The following DUOX2 variants were observed in gnomAD, a reference collection of about 807,000 sequenced individuals.
DUOX2 encodes NADH/NADPH thyroid oxidase p138-tox.
A neutral mutation model predicts 183.3 loss-of-function variants in DUOX2; 185 were observed. The ratio of observed to expected loss-of-function variants is 1.01; its 90% confidence interval spans 0.90 to 1.14. The LOEUF (loss-of-function observed/expected upper bound fraction) is 1.14, where lower values mean the gene tolerates loss of function less well. DUOX2 is among the 50% of genes most tolerant of loss of function. DUOX2 has a pLI of 0.00. For synonymous variants in DUOX2, 788 were observed against 812.4 expected (o/e 0.97, Z 0.51); for missense variants, 1,999 against 2,022.9 (o/e 0.99, Z 0.23).
intron 12 of DUOX2, chr15:45,108,428 G>A: frequency 1.6e-6 from 1 of 629,240 alleles, no homozygotes; most frequent in East Asian, 2.8e-5. Flanking sequence ...ACGGTCAGGT[G>A]CCCTAGGACC....
In DUOX2 at chr15:45,102,768, G is replaced by A. The variant is rs544942583; in HGVS notation, c.2655-779C>T. Among the ~76,000 whole-genome samples, 306 of 152,296 alleles carry A rather than the reference G, an allele frequency of 2.0e-3. 3 individuals carry two copies. The highest frequency in any genetic ancestry group is 7.1e-3 in the African/African-American group (294 of 41,548). ...AGGCTGAGGCGGGCTGATCCCCTGA[G>A]GTCAGGAGTTCGAGACTAGCCTGGC... is the stretch of plus-strand genomic sequence containing the variant. On this transcript the variant is annotated intron_variant, in intron 20 of 33. Coordinates refer to ENST00000389039, the MANE Select transcript of DUOX2 (RefSeq NM_001363711.2).
At chr15:45,095,228 C>T (rs753429032) in intron 31 of DUOX2, 137 bp from the exon 32 acceptor site, 186 of 1,404,254 alleles carry the variant, frequency 1.3e-4, no homozygotes, top group Non-Finnish European at 1.7e-4. Flanking sequence ...CAGCCTGATC[C>T]CAGGCTTCCA....
intron 22 of DUOX2, 79 bp from the exon 23 acceptor site, chr15:45,100,917 A>G: frequency 9.8e-7 from 1 of 1,021,302 alleles, no homozygotes; most frequent in Non-Finnish European, 1.5e-6. Flanking sequence ...CATGGGGTAG[A>G]GGTAGGGAGT....
At chr15:45,102,051 A>G in intron 20 of DUOX2, 62 bp from the exon 21 acceptor site, 1 of 1,584,878 alleles carries the variant, frequency 6.3e-7, no homozygotes, top group South Asian at 1.1e-5. Flanking sequence ...GGGTAGGTGC[A>G]GGGTGGGGCA....
At chr15:45,107,814 G>GCACTC (rs1894259124) in intron 13 of DUOX2, among the ~76,000 whole-genome samples, 1 of 124,472 alleles carries the variant, frequency 8.0e-6, no homozygotes. Flanking sequence ...TCACGCCACT[G>GCACTC]CACTCCAGCC....
At position 45,104,041 on chromosome 15, in the gene DUOX2, T is replaced by C; in HGVS notation, c.2573A>G (p.Asp858Gly). Reference sequence around the variant, plus strand: ...CATGGTAAACATTAGACGGGACTTATCCTCTGGGGAGCCTGGGAAGAAAAA... The same window carrying C: ...CATGGTAAACATTAGACGGGACTTACCCTCTGGGGAGCCTGGGAAGAAAAA... ...LVVFMKGSPEDKSRLMFTMYD... is the reference protein window; with the variant it reads ...LVVFMKGSPEGKSRLMFTMYD... Residue 858 changes from aspartate to glycine, a missense_variant, in exon 20 of 34, where the codon GAT becomes GGT. Physicochemically the swap from Asp to Gly is moderately conservative, Grantham distance 94 (BLOSUM62 -1). Coordinates refer to ENST00000389039, the MANE Select transcript of DUOX2 (RefSeq NM_001363711.2). 1.2e-6 allele frequency: 2 copies of C among 1,614,116 alleles called. No individual in the cohort carries two copies. Among genetic ancestry groups the C allele is most frequent in the Non-Finnish European group, 1.7e-6 (2 of 1,180,018 alleles).
chr15:45,101,642 C>T, intron 21 of DUOX2, 151 bp downstream of exon 21: 1 of 974,716 alleles, frequency 1.0e-6, no homozygotes, highest in Non-Finnish European at 1.6e-6. Flanking sequence ...AACTTGCACA[C>T]CTACATGTGC....
In DUOX2 at chr15:45,107,886, A is replaced by AAAAAG. The variant is rs58052033; in HGVS notation, c.1574+156_1574+160dup. Among the ~76,000 whole-genome samples the AAAAAG allele has an allele frequency of 0.92, 114,695 of 124,502 alleles. 52,868 individuals are homozygous for AAAAAG. The highest frequency in any genetic ancestry group is 0.99 in the East Asian group (4,312 of 4,336). 81.7% of individuals were successfully genotyped at this position (124,502 alleles called of 152,430 possible). On this transcript the variant is annotated intron_variant, in intron 13 of 33. Coordinates refer to ENST00000389039, the MANE Select transcript of DUOX2 (RefSeq NM_001363711.2). ...AAAAAAAAAAAAGAAAAAGAAAAAGAAAAAGAGAAGAGAAGAAAAAAAGAG... is the reference window on the plus strand; with the variant it reads ...AAAAAAAAAAAAGAAAAAGAAAAAGAAAAAGAAAAGAGAAGAGAAGAAAAAAAGAG...
chr15:45,109,459 G>A (rs1894318913), intron 11 of DUOX2, 65 bp downstream of exon 11: 3 of 1,459,328 alleles, frequency 2.1e-6, no homozygotes, highest in Admixed American at 3.4e-5. Context: ...TGCTATTGAT[G>A]AACCCAGAGG....
chr15:45,111,978 C>T (rs766033534), intron 4 of DUOX2, 23 bp from the exon 5 acceptor site: 3 of 1,611,352 alleles, frequency 1.9e-6, no homozygotes, highest in African/African-American at 1.3e-5. Context: ...GGCGCCAATA[C>T]GTGACAAACC....
At chr15:45,103,102 G>A (rs988985695) in intron 20 of DUOX2, among the ~76,000 whole-genome samples, 1 of 152,256 alleles carries the variant, frequency 6.6e-6, no homozygotes, top group Non-Finnish European at 1.5e-5. Context: ...TACCCAGTGA[G>A]GTACAGACTG....
Position 45,105,837 on chromosome 15 carries a change from G to A in DUOX2, c.2149-9C>T. The A allele has an allele frequency of 6.2e-7, 1 of 1,613,912 alleles. No homozygotes were observed. Among genetic ancestry groups the A allele is most frequent in the Non-Finnish European group, 8.5e-7 (1 of 1,180,000 alleles). ...GAACTAAACAGCAGCACCTGGGTGG[G>A]AGGAAGGCGGCACTGACGCAGGGAG... On this transcript the variant is annotated splice_polypyrimidine_tract_variant and intron_variant, in intron 17 of 33. Transcript: ENST00000389039.
In DUOX2 at chr15:45,097,680, G is replaced by A. The variant is rs145751273; in HGVS notation, c.3627C>T (p.His1209=). The A allele has an allele frequency of 2.5e-6, 4 of 1,614,222 alleles. No homozygotes were observed. The highest frequency in any genetic ancestry group is 2.5e-6 in the Non-Finnish European group (3 of 1,180,038). The change falls in exon 28 of 34, where the codon CAC becomes CAT. Residue 1209 remains histidine (H), a synonymous_variant. Coordinates refer to ENST00000389039, the MANE Select transcript of DUOX2 (RefSeq NM_001363711.2). The stretch of plus-strand genomic sequence containing the variant: ...AGCCCCGGAAGCTGCGGCGGCGGAA[G>A]TGGTGGGAGGCGAAGACATACATGA... ...LAIMYVFASH[H]FRRRSFRGFW...
chr15:45,099,157 C>T, intron 26 of DUOX2: 3 of 425,172 alleles, frequency 7.1e-6, no homozygotes, highest in South Asian at 2.1e-5. Context: ...ATTACAGGCG[C>T]CCACCACCAC....
At chr15:45,107,290 A>G (rs1357879784) in intron 14 of DUOX2, 55 bp downstream of exon 14, 5 of 1,603,574 alleles carry the variant, frequency 3.1e-6, no homozygotes, top group African/African-American at 1.3e-5. Context: ...CGCACCCTCA[A>G]TCTTGATCCT....
At position 45,108,792 on chromosome 15, in the gene DUOX2, G is replaced by T. The variant is rs1389746099; in HGVS notation, c.1395C>A (p.Pro465=). The T allele has an allele frequency of 6.2e-7, 1 of 1,614,230 alleles. No individual in the cohort carries two copies. Among genetic ancestry groups the T allele is most frequent in the Admixed American group, 1.7e-5 (1 of 60,030 alleles). The change falls in exon 12 of 34, where the codon CCC becomes CCA. Residue 465 remains proline (P), a synonymous_variant. Transcript: ENST00000389039. ...NWSDLNPNVD[P]QVLEATAALY... is the part of the protein sequence containing the mutation. ...TATTATCATTACTATTCCTGACCTG[G>T]GGGTCCACATTAGGGTTGAGATCAC...
chr15:45,106,415 C>T (rs1894214742), intron 16 of DUOX2, 88 bp from the exon 17 acceptor site: 22 of 1,589,232 alleles, frequency 1.4e-5, no homozygotes, highest in Non-Finnish European at 1.6e-5. Flanking sequence ...TCTGAGCAGG[C>T]GCCCTAAAGG....
intron 2 of DUOX2, 26 bp from the exon 3 acceptor site, chr15:45,113,102 C>T (rs969187971): frequency 1.2e-6 from 2 of 1,606,640 alleles, no homozygotes; most frequent in Admixed American, 3.4e-5. Context: ...AGGGCCTCCT[C>T]AGCACTACGC....
In DUOX2 at chr15:45,107,603, G is replaced by A; in HGVS notation, c.1575-140C>T. On this transcript the variant is annotated intron_variant, in intron 13 of 33. Coordinates refer to ENST00000389039, the MANE Select transcript of DUOX2 (RefSeq NM_001363711.2). ...TCATGCCTGTAATCCCAACACTTTG[G>A]GAGGCCAAGGCGAGTGGATCACTTG... is the stretch of plus-strand genomic sequence containing the variant. 4 of 921,990 alleles carry A rather than the reference G, an allele frequency of 4.3e-6. No individual in the cohort carries two copies. In the South Asian group the frequency reaches 5.2e-5, roughly 12 times the overall value. The allele number at this position is 921,990 out of a possible 1,614,324, so 57.1% of individuals were successfully genotyped here.
Sources: gnomAD v4.1 joint callset for allele counts (sites outside exome capture counted in the v4.1 genomes callset) on GRCh38, gnomAD v4.1.1 for gene constraint, MANE v1.5 for transcripts, NCBI Gene and HGNC (gene_info 2026-07-23, HGNC 2026-07-21) for gene names.